Variants in GRIA3 observed in about 807,000 individuals in gnomAD.
GRIA3 encodes the protein glutamate ionotropic receptor AMPA type subunit 3, also known as glutamate receptor 3.
Under a neutral mutation model 63.0 loss-of-function variants are expected in GRIA3, and 3 were observed. That is an observed-to-expected ratio of 0.05 (90% CI 0.02 to 0.12). GRIA3 has a LOEUF of 0.12. Ranked by LOEUF, GRIA3 falls within the 10% of genes least tolerant of loss-of-function variation. The probability of loss-of-function intolerance (pLI) is 1.00; values close to 1 mark genes in which losing one functional copy is unlikely to be tolerated. For synonymous variants in GRIA3, 274 were observed against 257.9 expected (o/e 1.06, Z -0.60); for missense variants, 347 against 700.9 (o/e 0.50, Z 5.70).
At chrX:123,420,269 G>T (rs780303985) in intron 11 of GRIA3, among the ~76,000 whole-genome samples, 2 of 111,795 alleles carry the variant, frequency 1.8e-5, no homozygotes, top group South Asian at 7.5e-4. Flanking sequence ...CATTTAAAAA[G>T]AAGCTTTGCA....
chrX:123,387,077 C>A (rs780194705), intron 5 of GRIA3, among the ~76,000 whole-genome samples: 1 of 111,490 alleles, frequency 9.0e-6, no homozygotes, highest in African/African-American at 3.3e-5. Flanking sequence ...AATATTAATT[C>A]TTTCAATCCA....
intron 3 of GRIA3, among the ~76,000 whole-genome samples, chrX:123,302,345 G>A (rs2044728663): frequency 9.0e-6 from 1 of 111,631 alleles, no homozygotes; most frequent in African/African-American, 3.2e-5. Context: ...TAAGACTAAT[G>A]GGATGGTCTC....
chrX:123,306,419 C>T (rs1157470960), intron 3 of GRIA3, among the ~76,000 whole-genome samples: 3 of 111,795 alleles, frequency 2.7e-5, no homozygotes, highest in Non-Finnish European at 5.6e-5. Flanking sequence ...AAGTACTGTG[C>T]TAATAACTTC....
At chrX:123,382,741 C>G (rs1219092314) in intron 5 of GRIA3, among the ~76,000 whole-genome samples, 4 of 112,051 alleles carry the variant, frequency 3.6e-5, no homozygotes, top group Non-Finnish European at 7.5e-5. Context: ...TAGACAATAA[C>G]CAGACTGAAT....
intron 12 of GRIA3, among the ~76,000 whole-genome samples, chrX:123,456,488 G>A (rs2045762010): frequency 9.0e-6 from 1 of 111,112 alleles, no homozygotes; most frequent in South Asian, 3.9e-4. Flanking sequence ...CACAGTTGGA[G>A]TCTTAACTTA....
chrX:123,248,615 G>A (rs934250638), intron 2 of GRIA3, among the ~76,000 whole-genome samples: 1 of 110,435 alleles, frequency 9.1e-6, no homozygotes, highest in Non-Finnish European at 1.9e-5. Flanking sequence ...GAGAAACCTC[G>A]TCTCTACTAA....
In GRIA3 at chrX:123,184,477, T is replaced by C. The variant is rs970540061; in HGVS notation, c.-59T>C. ...GCGAATTCTTTTTCTTTTTCTATTA[T>C]TATTTTGACGACTCCTGAGTTGCGC... On this transcript the variant is annotated 5_prime_UTR_variant, in exon 1 of 16. Transcript: ENST00000620443. 9.2e-6 allele frequency: 8 copies of C among 871,869 alleles called. No individual in the cohort carries two copies. The highest frequency in any genetic ancestry group is 2.0e-5 in the African/African-American group (1 of 49,951). 71.9% of individuals were successfully genotyped at this position (871,869 alleles called of 1,213,427 possible). A position where few individuals can be genotyped will look rare whatever the true frequency, so the allele number is the denominator to read the frequency against.
intron 10 of GRIA3, among the ~76,000 whole-genome samples, chrX:123,410,592 GA>G (rs1453344718): frequency 2.1e-4 from 24 of 111,899 alleles, no homozygotes; most frequent in African/African-American, 7.8e-4. Context: ...TTTCCATTAA[GA>G]AAGGCAGAGA....
chrX:123,197,186 G>A (rs966695720), intron 2 of GRIA3, among the ~76,000 whole-genome samples: 1 of 111,688 alleles, frequency 9.0e-6, no homozygotes, highest in Non-Finnish European at 1.9e-5. Context: ...TTTATCATGT[G>A]TAAACTAGGG....
intron 5 of GRIA3, among the ~76,000 whole-genome samples, chrX:123,367,810 T>C (rs1313554668): frequency 2.7e-5 from 3 of 111,585 alleles, no homozygotes; most frequent in Non-Finnish European, 5.6e-5. Context: ...AGGTCAAGCA[T>C]TTAAACCCTG....
intron 3 of GRIA3, among the ~76,000 whole-genome samples, chrX:123,257,759 C>T (rs2044428057): frequency 1.8e-5 from 2 of 111,500 alleles, no homozygotes; most frequent in African/African-American, 6.5e-5. Context: ...TGATGTGACT[C>T]TACTGTATAA....
chrX:123,189,774 T>C (rs1290968102), intron 2 of GRIA3, among the ~76,000 whole-genome samples: 2 of 112,254 alleles, frequency 1.8e-5, no homozygotes, highest in Non-Finnish European at 3.8e-5. Context: ...AGAATAGGAC[T>C]TAGGAGTGCA....
chrX:123,452,409 C>T (rs1270163150), intron 12 of GRIA3, among the ~76,000 whole-genome samples: 3 of 110,864 alleles, frequency 2.7e-5, no homozygotes, highest in African/African-American at 6.6e-5. Flanking sequence ...TTTGGATAAC[C>T]CCAAGCAAAT....
rs58776257 is a variant in GRIA3, at chrX:123,378,412, CT to C, written c.751-16540del. ...GACTCAGTATTATCAACTTGAGGCA[CT>C]TTTTTTTTTTTTTTTGAGACACAGT... On this transcript the variant is annotated intron_variant, in intron 5 of 15. Coordinates refer to ENST00000620443, the MANE Select transcript of GRIA3 (RefSeq NM_007325.5). 8.4e-3 allele frequency among the ~76,000 whole-genome samples: 798 copies of C among 95,228 alleles called. 9 individuals carry two copies. Among genetic ancestry groups the C allele is most frequent in the African/African-American group, 0.025 (639 of 26,020 alleles). 82.7% of individuals were successfully genotyped at this position (95,228 alleles called of 115,157 possible). A position where few individuals can be genotyped will look rare whatever the true frequency, so the allele number is the denominator to read the frequency against.
intron 12 of GRIA3, among the ~76,000 whole-genome samples, chrX:123,454,590 C>G (rs2045751826): frequency 9.0e-6 from 1 of 110,798 alleles, no homozygotes; most frequent in African/African-American, 3.3e-5. Context: ...CATTTAACAG[C>G]TCCGCTGGCT....
chrX:123,287,689 CT>C (rs57499628), intron 3 of GRIA3, among the ~76,000 whole-genome samples: 175 of 111,526 alleles, frequency 1.6e-3, no homozygotes, highest in African/African-American at 5.4e-3. Context: ...GATATAATAC[CT>C]AAGAATACAA....
intron 6 of GRIA3, among the ~76,000 whole-genome samples, chrX:123,396,155 G>A (rs1025880437): frequency 9.5e-6 from 1 of 104,952 alleles, no homozygotes; most frequent in African/African-American, 3.5e-5. Flanking sequence ...GCAGTGAGCC[G>A]AGATCATGCC....
intron 12 of GRIA3, among the ~76,000 whole-genome samples, chrX:123,446,775 T>C (rs768119257): frequency 9.0e-6 from 1 of 110,611 alleles, no homozygotes; most frequent in African/African-American, 3.3e-5. Context: ...AGGATAGGGG[T>C]GGGAAGTAGT....
chrX:123,263,662 C>T (rs146873745), intron 3 of GRIA3, among the ~76,000 whole-genome samples: 148 of 112,142 alleles, frequency 1.3e-3, no homozygotes, highest in South Asian at 2.6e-3. Flanking sequence ...GTTTTGTTAA[C>T]GATTTACATC....
Sources: gnomAD v4.1 joint callset for allele counts (sites outside exome capture counted in the v4.1 genomes callset) on GRCh38, gnomAD v4.1.1 for gene constraint, MANE v1.5 for transcripts, NCBI Gene and HGNC (gene_info 2026-07-23, HGNC 2026-07-21) for gene names.